KMT2B: variants seen among roughly 807,000 people sequenced by gnomAD.
KMT2B encodes the protein histone-lysine N-methyltransferase 2B.
In KMT2B, 22 loss-of-function variants were observed where a neutral mutation model predicts 255.3. The ratio of observed to expected loss-of-function variants is 0.09; its 90% CI spans 0.06 to 0.12. The LOEUF is 0.12. KMT2B is among the 10% of genes least tolerant of loss of function. KMT2B has a pLI of 1.00. For synonymous variants in KMT2B, 1,730 were observed against 1,498.1 expected (o/e 1.15, Z -3.57); for missense variants, 3,149 against 3,737.0 (o/e 0.84, Z 4.10).
chr19:35,730,383 C>G lies in KMT2B; in HGVS notation c.5118C>G (p.Val1706=), dbSNP rs1181730389. The change falls in exon 24 of 37, where the codon GTC becomes GTG. Residue 1706 remains valine (V), a synonymous_variant. Coordinates refer to ENST00000420124, the MANE Select transcript of KMT2B (RefSeq NM_014727.3). ...ATGGTTTTGATGTTCTCCGCCGAGT[C>G]TATGTGGACTTCGAGGGCATCAACT... The part of the protein sequence containing the change: ...NPDGFDVLRR[V]YVDFEGINFK... 2.5e-6 allele frequency: 4 copies of G among 1,613,734 alleles called. No individual in the cohort carries two copies. The highest frequency in any genetic ancestry group is 2.2e-5 in the East Asian group (1 of 44,860).
rs779172579 is a variant in KMT2B, at chr19:35,719,867, C to A, written c.520C>A (p.Pro174Thr). ...CCTAGCAGATGTGGCTCCTACCCCCCCAAAGACCCCTGCCCGGAAACGGGG... is the reference window on the plus strand; with the variant it reads ...CCTAGCAGATGTGGCTCCTACCCCCACAAAGACCCCTGCCCGGAAACGGGG... Reference protein sequence around the residue: ...PRLADVAPTPPKTPARKRGEE... With the variant: ...PRLADVAPTPTKTPARKRGEE... The change falls in exon 3 of 37, where the codon CCA becomes ACA. Residue 174 changes from proline (P) to threonine (T), a missense_variant. By Grantham distance (38) the Pro-to-Thr change is conservative. Around this residue, in one of 18 missense-constraint regions of KMT2B, gnomAD observed 1,188 missense variants for 1,106.4 expected, o/e 1.07. Coordinates refer to ENST00000420124, the MANE Select transcript of KMT2B (RefSeq NM_014727.3). 27 of 1,613,278 alleles carry A rather than the reference C, an allele frequency of 1.7e-5. No individual in the cohort carries two copies. The highest frequency in any genetic ancestry group is 1.9e-5 in the Non-Finnish European group (22 of 1,179,854).
Position 35,721,620 on chromosome 19 carries a change from C to T in KMT2B, c.2273C>T (p.Pro758Leu), listed in dbSNP as rs374006563. The change falls in exon 3 of 37, where the codon CCA (proline) becomes CTA (leucine). Residue 758 changes from proline to leucine, a missense_variant. By Grantham distance (98) the Pro-to-Leu change is moderately conservative (BLOSUM62 -3). Coordinates refer to ENST00000420124, the MANE Select transcript of KMT2B (RefSeq NM_014727.3). Reference sequence around the variant, plus strand: ...CCCCAGGCACTACCGCCACCACAGCCACAGCTGCAGCCACCGCCGTCACCA... The same window carrying T: ...CCCCAGGCACTACCGCCACCACAGCTACAGCTGCAGCCACCGCCGTCACCA... ...LLPQALPPPQPQLQPPPSPQQ... is the reference protein window; with the variant it reads ...LLPQALPPPQLQLQPPPSPQQ... 2 of 1,612,916 alleles carry T rather than the reference C, an allele frequency of 1.2e-6. No individual in the cohort carries two copies. Among genetic ancestry groups the T allele is most frequent in the African/African-American group, 1.3e-5 (1 of 74,932 alleles).
chr19:35,731,662 A>C (rs1599692146), intron 26 of KMT2B, among the ~76,000 whole-genome samples: 2 of 152,292 alleles, frequency 1.3e-5, no homozygotes, highest in East Asian at 3.9e-4. Flanking sequence ...CAAAGCCTGC[A>C]GCAGAGGCAG....
chr19:35,733,108 G>A lies in KMT2B; in HGVS notation c.6559G>A (p.Ala2187Thr), dbSNP rs751221427. 21 of 1,589,390 alleles carry A rather than the reference G, an allele frequency of 1.3e-5. No homozygotes were observed. The highest frequency in any genetic ancestry group is 5.4e-5 in the African/African-American group (4 of 74,150). The change falls in exon 28 of 37, where the codon GCC becomes ACC. Residue 2187 changes from alanine (A) to threonine (T), a missense_variant. Ala to Thr is a moderately conservative substitution (Grantham distance 58). Transcript: ENST00000420124. This position sits in a 1 kb window ranked among gnomAD's most constrained non-coding sequence, Gnocchi z 4.3. ...CCCTGCCCCTGAGCCCCCCAAACCC[G>A]CCACATCCAAAATCATACTTGTCAA... Reference protein sequence around the residue: ...LGPAPEPPKPATSKIILVNKL... With the variant: ...LGPAPEPPKPTTSKIILVNKL...
chr19:35,719,629 T>C (rs1969100682), intron 2 of KMT2B, 88 bp downstream of exon 2: 8 of 1,503,268 alleles, frequency 5.3e-6, no homozygotes, highest in Middle Eastern at 3.5e-4. Context: ...AACTAGCCTC[T>C]GTCAGTTGCC....
At position 35,721,697 on chromosome 19, in the gene KMT2B, C is replaced by T. The variant is rs1969219853; in HGVS notation, c.2350C>T (p.Pro784Ser). The T allele has an allele frequency of 6.2e-7, 1 of 1,610,486 alleles. No homozygotes were observed. Among genetic ancestry groups the T allele is most frequent in the Non-Finnish European group, 8.5e-7 (1 of 1,178,278 alleles). The change falls in exon 3 of 37, where the codon CCG becomes TCG. Residue 784 changes from proline to serine, a missense_variant. By Grantham distance (74) the Pro-to-Ser change is moderately conservative (BLOSUM62 -1). Around this residue, in one of 18 missense-constraint regions of KMT2B, gnomAD observed 1,188 missense variants for 1,106.4 expected, o/e 1.07. Transcript: ENST00000420124. ...CCGGATTGCGGGCGTGGGTTCCTTG[C>T]CGCTGTCTGGGGTAGAGGAGAAGAT... Reference protein sequence around the residue: ...KARIAGVGSLPLSGVEEKMFS... With the variant: ...KARIAGVGSLSLSGVEEKMFS...
chr19:35,731,210 C>T (rs950714022), intron 26 of KMT2B, among the ~76,000 whole-genome samples: 1 of 152,212 alleles, frequency 6.6e-6, no homozygotes, highest in East Asian at 1.9e-4. Context: ...GGGACAGTGG[C>T]TGAACACAGT....
At position 35,737,982 on chromosome 19, in the gene KMT2B, G is replaced by T. The variant is rs769143984; in HGVS notation, c.7742+40G>T. Reference sequence around the variant, plus strand: ...GGGGGAGGATGCCCCTTGGGTGGACGGACAGGTGCACTGGGTAGGGGGTAC... The same window carrying T: ...GGGGGAGGATGCCCCTTGGGTGGACTGACAGGTGCACTGGGTAGGGGGTAC... On this transcript the variant is annotated intron_variant, in intron 35 of 36. Transcript: ENST00000420124. This position sits in a 1 kb window ranked among gnomAD's most constrained non-coding sequence, Gnocchi z 5.3. 1.2e-6 allele frequency: 2 copies of T among 1,608,476 alleles called. No individual in the cohort carries two copies. Among genetic ancestry groups the T allele is most frequent in the East Asian group, 2.2e-5 (1 of 44,718 alleles).
At chr19:35,729,415 T>G (rs1417997791) in intron 22 of KMT2B, 119 bp downstream of exon 22, 17 of 1,365,996 alleles carry the variant, frequency 1.2e-5, no homozygotes, top group Non-Finnish European at 1.7e-5. Context: ...CAGGCTGAGG[T>G]CTCTTGGTTG....
Position 35,733,682 on chromosome 19 carries a change from C to G in KMT2B, c.7045C>G (p.Pro2349Ala). ...RPGEPAGEES[P>A]GPLQERSPLL... ...TGGGGAGCCCGCTGGGGAAGAAAGTCCTGGGTGAGTGGCCAGGCCCCTCTC... is the reference window on the plus strand; with the variant it reads ...TGGGGAGCCCGCTGGGGAAGAAAGTGCTGGGTGAGTGGCCAGGCCCCTCTC... The change falls in exon 29 of 37, where the codon CCT (proline) becomes GCT (alanine). Residue 2349 changes from proline (P) to alanine (A), a missense_variant. Pro to Ala is a conservative substitution (Grantham distance 27). Around this residue, in one of 18 missense-constraint regions of KMT2B, gnomAD observed 897 missense variants for 825.3 expected, o/e 1.09. Coordinates refer to ENST00000420124, the MANE Select transcript of KMT2B (RefSeq NM_014727.3). This position sits in a 1 kb window ranked among gnomAD's most constrained non-coding sequence, Gnocchi z 4.3. The G allele has an allele frequency of 1.2e-6, 2 of 1,603,208 alleles. No individual in the cohort carries two copies. The highest frequency in any genetic ancestry group is 1.7e-6 in the Non-Finnish European group (2 of 1,175,242).
At position 35,725,928 on chromosome 19, in the gene KMT2B, T is replaced by G; in HGVS notation, c.3885+110T>G. 1.1e-6 allele frequency: 1 copy of G among 875,056 alleles called. No individual in the cohort carries two copies. 54.2% of individuals were successfully genotyped at this position (875,056 alleles called of 1,614,324 possible). A position where few individuals can be genotyped will look rare whatever the true frequency, so the allele number is the denominator to read the frequency against. ...GAGGAGCAGAGGTTGGGGATCCTCTTAAGAATTGATTAGTAATGTTTCCTC... is the reference window on the plus strand; with the variant it reads ...GAGGAGCAGAGGTTGGGGATCCTCTGAAGAATTGATTAGTAATGTTTCCTC... On this transcript the variant is annotated intron_variant, in intron 13 of 36. Transcript: ENST00000420124. The surrounding 1 kb of genome is among the most constrained non-coding windows in gnomAD (Gnocchi z 4.1).
Position 35,738,650 on chromosome 19 carries a change from C to G in KMT2B, c.*93C>G. On this transcript the variant is annotated 3_prime_UTR_variant, in exon 37 of 37. Transcript: ENST00000420124. The surrounding 1 kb of genome is among the most constrained non-coding windows in gnomAD (Gnocchi z 8.7). ...GGGGGCTCCCTAGCCCCTCCCAGAGCATCTCACCCCCACCCTCATGTTCAG... is the reference window on the plus strand; with the variant it reads ...GGGGGCTCCCTAGCCCCTCCCAGAGGATCTCACCCCCACCCTCATGTTCAG... 2 of 1,363,338 alleles carry G rather than the reference C, an allele frequency of 1.5e-6. No homozygotes were observed. Among genetic ancestry groups the G allele is most frequent in the Non-Finnish European group, 2.0e-6 (2 of 1,004,522 alleles). 84.5% of individuals were successfully genotyped at this position (1,363,338 alleles called of 1,614,324 possible).
chr19:35,723,620 G>T lies in KMT2B; in HGVS notation c.3059-112G>T. On this transcript the variant is annotated intron_variant, in intron 7 of 36. Coordinates refer to ENST00000420124, the MANE Select transcript of KMT2B (RefSeq NM_014727.3). This position sits in a 1 kb window ranked among gnomAD's most constrained non-coding sequence, Gnocchi z 7.5. ...TCACCCTCTCCATCTTCTCCGTTGT[G>T]TGCTTTCATAGCTCCTGCGTTCATT... 7.7e-7 allele frequency: 1 copy of T among 1,297,938 alleles called. No individual in the cohort carries two copies. Among genetic ancestry groups the T allele is most frequent in the Non-Finnish European group, 1.1e-6 (1 of 948,792 alleles). 80.4% of individuals were successfully genotyped at this position (1,297,938 alleles called of 1,614,324 possible). A position where few individuals can be genotyped will look rare whatever the true frequency, so the allele number is the denominator to read the frequency against.
intron 13 of KMT2B, 73 bp from the exon 14 acceptor site, chr19:35,726,163 C>T: frequency 8.8e-7 from 1 of 1,140,902 alleles, no homozygotes; most frequent in Non-Finnish European, 1.3e-6. Flanking sequence ...CCCAATTCCT[C>T]CTCGCCCGTC....
At chr19:35,734,215 C>G (rs1263320501) in intron 30 of KMT2B, among the ~76,000 whole-genome samples, 1 of 151,942 alleles carries the variant, frequency 6.6e-6, no homozygotes, top group Non-Finnish European at 1.5e-5. Flanking sequence ...GGGAATGCAG[C>G]CCAGCTAGCA....
Position 35,725,716 on chromosome 19 carries a change from C to G in KMT2B, c.3790-7C>G. ...GGTTTCGCCATCTCTGTCTCCACAT[C>G]CAACAGCACCTCCTGGAGTGCGAGC... On this transcript the variant is annotated splice_region_variant and splice_polypyrimidine_tract_variant and intron_variant, in intron 12 of 36. Transcript: ENST00000420124. The surrounding 1 kb of genome is among the most constrained non-coding windows in gnomAD (Gnocchi z 4.1). 1.9e-6 allele frequency: 3 copies of G among 1,612,220 alleles called. No individual in the cohort carries two copies. The highest frequency in any genetic ancestry group is 2.5e-6 in the Non-Finnish European group (3 of 1,179,172).
intron 5 of KMT2B, 98 bp from the exon 6 acceptor site, chr19:35,722,897 G>T: frequency 7.0e-7 from 1 of 1,437,414 alleles, no homozygotes. Flanking sequence ...ACCTGGCGCT[G>T]TGAGAAAGCG....
At chr19:35,719,690 A>G (rs1969103225) in intron 2 of KMT2B, 94 bp from the exon 3 acceptor site, 1 of 1,528,006 alleles carries the variant, frequency 6.5e-7, no homozygotes, top group Non-Finnish European at 8.8e-7. Flanking sequence ...CGGGGGAAAC[A>G]CACAAGCAAG....
chr19:35,732,531 G>A lies in KMT2B; in HGVS notation c.5982G>A (p.Ala1994=), dbSNP rs763243718. ...SGLSAADLDF[A]ASLLGTEPFQ... is the part of the protein sequence containing the mutation. ...TGAGTGCTGCTGACCTGGACTTCGC[G>A]GCCAGCCTGCTGGGGACTGAGCCCT... is the stretch of plus-strand genomic sequence containing the variant. Residue 1994 remains alanine, a synonymous_variant, in exon 28 of 37, where the codon GCG becomes GCA. Transcript: ENST00000420124. 1.5e-5 allele frequency: 24 copies of A among 1,613,804 alleles called. No homozygotes were observed. Among genetic ancestry groups the A allele is most frequent in the South Asian group, 5.5e-5 (5 of 91,084 alleles).
Sources: allele counts gnomAD v4.1 joint callset (sites outside exome capture counted in the v4.1 genomes callset), GRCh38; gene constraint gnomAD v4.1.1; regional missense constraint gnomAD v4.1.1; non-coding constraint Gnocchi (gnomAD v3.1); transcripts MANE v1.5; gene names NCBI Gene and HGNC (gene_info 2026-07-23, HGNC 2026-07-21).